SLC3A2: variants seen among roughly 807,000 people sequenced by gnomAD.
SLC3A2 encodes solute carrier family 3 member 2.
A neutral mutation model predicts 48.5 loss-of-function variants in SLC3A2; 32 were observed. The observed-to-expected ratio is 0.66, with a 90% CI of 0.50 to 0.89. The LOEUF is 0.89. SLC3A2 is among the 40% of genes least tolerant of loss of function. The pLI, the probability that SLC3A2 is intolerant of heterozygous loss-of-function variation, is 0.00. For synonymous variants in SLC3A2, 277 were observed against 288.8 expected, an observed-to-expected ratio of 0.96 and a Z score of 0.41; for missense variants, 587 against 680.7, an observed-to-expected ratio of 0.86 and a Z score of 1.53.
At chr11:62,867,310 C>CTCTTT (rs1176809702) in intron 1 of SLC3A2, among the ~76,000 whole-genome samples, 3 of 121,516 alleles carry the variant, frequency 2.5e-5, no homozygotes, top group East Asian at 5.2e-4. Flanking sequence ...TTTATTCTTT[C>CTCTTT]TCTTTTCTTT....
upstream of SLC3A2, among the ~76,000 whole-genome samples, chr11:62,878,632 ATT>A (rs1048433687): frequency 3.7e-4 from 42 of 112,916 alleles, no homozygotes; most frequent in Non-Finnish European, 3.1e-4. Context: ...CGCCTGGCTG[ATT>A]TTTTTTTTTT....
intron 1 of SLC3A2, among the ~76,000 whole-genome samples, chr11:62,868,153 T>A (rs1304116205): frequency 6.6e-6 from 1 of 151,784 alleles, no homozygotes; most frequent in Non-Finnish European, 1.5e-5. Context: ...AACTCCTGAC[T>A]TCAGGTGATC....
chr11:62,861,209 T>A (rs1032628212), intron 1 of SLC3A2, among the ~76,000 whole-genome samples: 6 of 151,486 alleles, frequency 4.0e-5, no homozygotes, highest in African/African-American at 1.5e-4. Context: ...GTGGTGCATG[T>A]GTATAGTCCC....
chr11:62,880,887 C>A, upstream of SLC3A2: 6 of 1,433,154 alleles, frequency 4.2e-6, no homozygotes, highest in Non-Finnish European at 5.5e-6. Context: ...GCCGCGCCTG[C>A]TGCTGAGCAG....
At chr11:62,871,226 C>G (rs1442558106) in intron 1 of SLC3A2, among the ~76,000 whole-genome samples, 1 of 146,648 alleles carries the variant, frequency 6.8e-6, no homozygotes, top group Non-Finnish European at 1.5e-5. Context: ...TGCCTGCTGC[C>G]TGGTAGGGCT....
intron 1 of SLC3A2, among the ~76,000 whole-genome samples, chr11:62,874,775 T>C (rs559288712): frequency 3.3e-5 from 5 of 150,704 alleles, no homozygotes; most frequent in African/African-American, 1.2e-4. Flanking sequence ...TCTTTTTCTT[T>C]TTTTTTTTTT....
chr11:62,869,611 T>C (rs932224004), intron 1 of SLC3A2, among the ~76,000 whole-genome samples: 1 of 151,830 alleles, frequency 6.6e-6, no homozygotes, highest in African/African-American at 2.4e-5. Flanking sequence ...TACTGGTTTT[T>C]AGTGATAATT....
At chr11:62,866,261 G>C (rs563121443) in intron 1 of SLC3A2, among the ~76,000 whole-genome samples, 1 of 152,034 alleles carries the variant, frequency 6.6e-6, no homozygotes, top group South Asian at 2.1e-4. Context: ...GGGATTACAG[G>C]TGCCTGCCGC....
chr11:62,888,579 T>A lies in SLC3A2; in HGVS notation c.1476T>A (p.Ala492=), dbSNP rs1240691231. The change falls in exon 9 of 9, where the codon GCT becomes GCA. Residue 492 remains alanine, a synonymous_variant. Transcript: ENST00000338663. ...LPASASLPAK[A]DLLLSTQPGR... ...CCAGCGCCAGCCTGCCAGCCAAGGC[T>A]GACCTCCTGCTCAGCACCCAGCCAG... is the stretch of plus-strand genomic sequence containing the variant. The A allele has an allele frequency of 6.2e-7, 1 of 1,613,824 alleles. No individual in the cohort carries two copies. Among genetic ancestry groups the A allele is most frequent in the East Asian group, 2.2e-5 (1 of 44,880 alleles).
intron 1 of SLC3A2, chr11:62,870,846 AATAATAATAATTATT>A (rs1212011150): frequency 9.0e-4 from 128 of 141,604 alleles, no homozygotes; most frequent in African/African-American, 5.5e-3. Context: ...AGGTAATAAT[AATAATAATAATTATT>A]ATTATTATTA....
At chr11:62,883,955 C>T (rs190713396) in intron 3 of SLC3A2, 2 of 456,294 alleles carry the variant, frequency 4.4e-6, no homozygotes, top group East Asian at 1.4e-4. Flanking sequence ...CTTGGCCTTG[C>T]TCTGAGCAGT....
chr11:62,857,695 CAAAAAAAAAAAAA>C (rs56818745), intron 1 of SLC3A2, among the ~76,000 whole-genome samples: 7 of 52,798 alleles, frequency 1.3e-4, no homozygotes, highest in East Asian at 5.7e-4. Flanking sequence ...GACCCTGTCT[CAAAAAAAAAAAAA>C]AAAAAAAAAA....
chr11:62,881,811 C>G lies in SLC3A2; in HGVS notation c.425-82C>G. 2 of 1,525,052 alleles carry G rather than the reference C, an allele frequency of 1.3e-6. No homozygotes were observed. Among genetic ancestry groups the G allele is most frequent in the South Asian group, 1.2e-5 (1 of 84,066 alleles). The allele number at this position is 1,525,052 out of a possible 1,614,324, so 94.5% of individuals were successfully genotyped here. On this transcript the variant is annotated intron_variant, in intron 1 of 8. Transcript: ENST00000338663. This position sits in a 1 kb window ranked among gnomAD's most constrained non-coding sequence, Gnocchi z 4.0. ...CCCTTTGCCCCCTCCCCGTCCCACC[C>G]TTAGGCGCTGGGAGAAGGGAGGGTG... is the stretch of plus-strand genomic sequence containing the variant.
intron 3 of SLC3A2, chr11:62,883,844 C>G (rs1339996034): frequency 2.7e-6 from 1 of 375,150 alleles, no homozygotes; most frequent in African/African-American, 2.1e-5. Context: ...GGGTGAAGTT[C>G]CACAGTGTGT....
At position 62,884,517 on chromosome 11, in the gene SLC3A2, A is replaced by G. The variant is rs2085681596; in HGVS notation, c.751A>G (p.Asn251Asp). The change falls in exon 4 of 9, where the codon AAT becomes GAT. Residue 251 changes from asparagine (N) to aspartate (D), a missense_variant. By Grantham distance (23) the Asn-to-Asp change is conservative. This residue lies in a region of SLC3A2 where 409 missense variants were observed against 446.7 expected (regional missense o/e 0.92). Coordinates refer to ENST00000338663, the MANE Select transcript of SLC3A2 (RefSeq NM_001013251.3). Reference sequence around the variant, plus strand: ...TGGGTTCCAGGTTCGGGACATAGAGAATCTGAAGGTGAGTTCCCTTTCCAC... The same window carrying G: ...TGGGTTCCAGGTTCGGGACATAGAGGATCTGAAGGTGAGTTCCCTTTCCAC... ...VDGFQVRDIENLKDASSFLAE... is the reference protein window; with the variant it reads ...VDGFQVRDIEDLKDASSFLAE... The G allele has an allele frequency of 6.2e-7, 1 of 1,614,186 alleles. No homozygotes were observed. Among genetic ancestry groups the G allele is most frequent in the Non-Finnish European group, 8.5e-7 (1 of 1,180,028 alleles).
At chr11:62,862,238 A>G (rs1307331472) in intron 1 of SLC3A2, among the ~76,000 whole-genome samples, 2 of 144,186 alleles carry the variant, frequency 1.4e-5, no homozygotes, top group African/African-American at 2.6e-5. Flanking sequence ...AATTGCTTGA[A>G]CCTGGGAGGT....
chr11:62,858,701 T>C (rs2085364925), intron 1 of SLC3A2, among the ~76,000 whole-genome samples: 2 of 152,242 alleles, frequency 1.3e-5, no homozygotes, highest in Middle Eastern at 3.4e-3. Flanking sequence ...TGATCATTCG[T>C]GGGTGTTTCT....
At chr11:62,856,464 C>A in intron 1 of SLC3A2, 1 of 1,200,686 alleles carries the variant, frequency 8.3e-7, no homozygotes, top group South Asian at 1.4e-5. Flanking sequence ...GTAAGTGCTT[C>A]ACTGAAGACA....
In SLC3A2 at chr11:62,884,727, T is replaced by C. The variant is rs778611504; in HGVS notation, c.818+37T>C. 6.4e-6 allele frequency: 10 copies of C among 1,550,506 alleles called. No individual in the cohort carries two copies. In the South Asian group the frequency reaches 9.8e-5, roughly 15 times the overall value. ...AGCCATTCTGCTGACTCAGCTCCAA[T>C]GTGGGAACCCCTCAGTGGAGTGCTA... On this transcript the variant is annotated intron_variant, in intron 5 of 8. Transcript: ENST00000338663.
Sources: gnomAD v4.1 joint callset for allele counts (sites outside exome capture counted in the v4.1 genomes callset) on GRCh38, gnomAD v4.1.1 for gene constraint, gnomAD v4.1.1 regional missense constraint, Gnocchi (gnomAD v3.1) non-coding constraint, MANE v1.5 for transcripts, NCBI Gene and HGNC (gene_info 2026-07-23, HGNC 2026-07-21) for gene names.